ZBTB11: variants seen among roughly 807,000 people sequenced by gnomAD.
The protein encoded by ZBTB11 is zinc finger and BTB domain containing 11.
ZBTB11 carries 68 observed loss-of-function variants against 113.1 expected under a neutral mutation model. That is an observed-to-expected ratio of 0.60 (90% confidence interval 0.49 to 0.74). The LOEUF (loss-of-function observed/expected upper bound fraction) is 0.74. ZBTB11 is among the 30% of genes least tolerant of loss of function. ZBTB11 has a pLI of 0.00. For missense variants in ZBTB11, 1,104 were observed against 1,279.4 expected, an observed-to-expected ratio of 0.86 and a Z score of 2.09; for synonymous variants, 518 against 452.6, an observed-to-expected ratio of 1.14 and a Z score of -1.83.
At chr3:101,671,502 A>G (rs1937084792) in intron 2 of ZBTB11, 141 bp from the exon 3 acceptor site, 1 of 654,328 alleles carries the variant, frequency 1.5e-6, no homozygotes. Flanking sequence ...TATGTATTTA[A>G]ATAAAAAGAT....
At chr3:101,669,035 A>ATC (rs1937041669) in intron 3 of ZBTB11, among the ~76,000 whole-genome samples, 1 of 151,546 alleles carries the variant, frequency 6.6e-6, no homozygotes, top group African/African-American at 2.4e-5. Context: ...TTATGATAAA[A>ATC]TTTTTTTTTG....
At chr3:101,662,090 G>A (rs369911165) in intron 5 of ZBTB11, 4 of 152,084 alleles carry the variant, frequency 2.6e-5, no homozygotes, top group South Asian at 2.1e-4. Context: ...TAGTGAGAAG[G>A]GGGTAAAGAG....
In ZBTB11 at chr3:101,651,233, A is replaced by G; in HGVS notation, c.3095T>C (p.Leu1032Pro). The G allele has an allele frequency of 6.2e-7, 1 of 1,612,684 alleles. No homozygotes were observed. Reference protein sequence around the residue: ...YVLAQQQGQKLSEVAEAIQTV... With the variant: ...YVLAQQQGQKPSEVAEAIQTV... ...TTGAATAGCTTCTGCAACTTCAGAT[A>G]GCTTCTGTCCTTGCTGTTGTGCTAA... Residue 1032 changes from leucine (L) to proline (P), a missense_variant, in exon 11 of 11, where the codon CTA (leucine) becomes CCA (proline). Coordinates refer to ENST00000312938, the MANE Select transcript of ZBTB11 (RefSeq NM_014415.4).
At position 101,656,137 on chromosome 3, in the gene ZBTB11, G is replaced by C; in HGVS notation, c.2158C>G (p.Arg720Gly). ...ELCVKSFVTK[R>G]SLQEHMSIHT... ...ATACTCATATGTTCTTGAAGACTCC[G>C]TTTGGTAACAAATGACTTAACACAC... The change falls in exon 7 of 11, where the codon CGG (arginine) becomes GGG (glycine). Residue 720 changes from arginine to glycine, a missense_variant. Physicochemically the swap from Arg to Gly is moderately radical, Grantham distance 125. Around this residue, in one of 5 missense-constraint regions of ZBTB11, gnomAD observed 535 missense variants for 518.6 expected, o/e 1.03. Transcript: ENST00000312938. The C allele has an allele frequency of 6.3e-7, 1 of 1,591,430 alleles. No homozygotes were observed. The highest frequency in any genetic ancestry group is 8.5e-7 in the Non-Finnish European group (1 of 1,170,450).
In ZBTB11 at chr3:101,676,671, G is replaced by A; in HGVS notation, c.244C>T (p.Pro82Ser). 1.9e-6 allele frequency: 3 copies of A among 1,592,440 alleles called. No individual in the cohort carries two copies. The highest frequency in any genetic ancestry group is 2.6e-6 in the Non-Finnish European group (3 of 1,167,966). Residue 82 changes from proline to serine, a missense_variant, in exon 1 of 11, where the codon CCC becomes TCC. Physicochemically the swap from Pro to Ser is moderately conservative, Grantham distance 74 (BLOSUM62 -1). Around this residue, in one of 5 missense-constraint regions of ZBTB11, gnomAD observed 245 missense variants for 272.5 expected, o/e 0.90. Coordinates refer to ENST00000312938, the MANE Select transcript of ZBTB11 (RefSeq NM_014415.4). ...RDLIEAAHLGPGGTHHTRHQT... is the reference protein window; with the variant it reads ...RDLIEAAHLGSGGTHHTRHQT... ...TGCCGGGTGTGGTGAGTGCCGCCGG[G>A]ACCCAGGTGCGCCGCCTCGATGAGG...
chr3:101,676,131 C>T (rs368056712), intron 1 of ZBTB11, among the ~76,000 whole-genome samples: 1 of 152,280 alleles, frequency 6.6e-6, no homozygotes, highest in African/African-American at 2.4e-5. Context: ...GCAGCTCATA[C>T]TCGCTCGCCA....
Position 101,654,780 on chromosome 3 carries a change from GAA to G in ZBTB11, c.2231_2232del (p.Phe744SerfsTer2). On this transcript the variant is annotated frameshift_variant, in exon 8 of 11. Coordinates refer to ENST00000312938, the MANE Select transcript of ZBTB11 (RefSeq NM_014415.4). LOFTEE classifies it high-confidence loss of function. ...KYLCSVCGKS[F>X]HRGSGLSKHF... Reference sequence around the variant, plus strand: ...TGCTTGCTGAGTCCAGAGCCCCTATGAAAAGACTTTCCACAAACTGAGCAAAG... The same window carrying G: ...TGCTTGCTGAGTCCAGAGCCCCTATGAAGACTTTCCACAAACTGAGCAAAG... 6.2e-7 allele frequency: 1 copy of G among 1,614,144 alleles called. No individual in the cohort carries two copies. Among genetic ancestry groups the G allele is most frequent in the Non-Finnish European group, 8.5e-7 (1 of 1,180,004 alleles).
rs372842668 is a variant in ZBTB11 at position 101,672,239 on chromosome 3, A to G, written c.311-26T>C. On this transcript the variant is annotated intron_variant, in intron 1 of 10. Coordinates refer to ENST00000312938, the MANE Select transcript of ZBTB11 (RefSeq NM_014415.4). The stretch of plus-strand genomic sequence containing the variant: ...CTACAATGAAAATATTAACAAGTCA[A>G]ATTTAATACTGTTAACTGAAAACAG... 4.7e-5 allele frequency: 70 copies of G among 1,487,460 alleles called. No homozygotes were observed. The African/African-American group carries it at 8.8e-4, about 19-fold the overall frequency. The allele number at this position is 1,487,460 out of a possible 1,614,324, so 92.1% of individuals were successfully genotyped here.
intron 3 of ZBTB11, among the ~76,000 whole-genome samples, chr3:101,669,013 T>C (rs1937041247): frequency 6.6e-6 from 1 of 150,976 alleles, no homozygotes; most frequent in Non-Finnish European, 1.5e-5. Flanking sequence ...TAAGATACCG[T>C]AAATGACACA....
intron 3 of ZBTB11, among the ~76,000 whole-genome samples, chr3:101,667,272 T>C (rs538451933): frequency 2.8e-4 from 42 of 152,276 alleles, no homozygotes; most frequent in African/African-American, 9.6e-4. Context: ...CCTCCTGGCC[T>C]GAAGGGATAC....
intron 8 of ZBTB11, 101 bp from the exon 9 acceptor site, chr3:101,653,039 T>C: frequency 4.0e-6 from 5 of 1,246,194 alleles, no homozygotes. Context: ...CTCCAAAAGA[T>C]GATCTCAACT....
chr3:101,660,064 C>T (rs1168392792), intron 5 of ZBTB11, 36 bp from the exon 6 acceptor site: 1 of 1,587,790 alleles, frequency 6.3e-7, no homozygotes, highest in Admixed American at 1.7e-5. Flanking sequence ...AAATGTATTT[C>T]CATTACAAAA....
chr3:101,666,431 A>C (rs550895240), intron 3 of ZBTB11, among the ~76,000 whole-genome samples: 1 of 152,312 alleles, frequency 6.6e-6, no homozygotes, highest in East Asian at 1.9e-4. Flanking sequence ...GCTGTGTTCC[A>C]ATACAACCTT....
At chr3:101,655,920 A>G (rs991203555) in intron 7 of ZBTB11, 184 bp downstream of exon 7, 19 of 320,928 alleles carry the variant, frequency 5.9e-5, no homozygotes, top group Non-Finnish European at 8.7e-5. Flanking sequence ...TCGGCCTCCC[A>G]AAGTGCTGGG....
At chr3:101,672,622 C>T (rs973159393) in intron 1 of ZBTB11, among the ~76,000 whole-genome samples, 2 of 152,198 alleles carry the variant, frequency 1.3e-5, no homozygotes, top group African/African-American at 2.4e-5. Context: ...AGGCTGAGGC[C>T]GGAGACTCAC....
At position 101,652,656 on chromosome 3, in the gene ZBTB11, G is replaced by C; in HGVS notation, c.2484C>G (p.Gly828=). The change falls in exon 10 of 11, where the codon GGC becomes GGG. Residue 828 remains glycine, a synonymous_variant. Transcript: ENST00000312938. The stretch of plus-strand genomic sequence containing the variant: ...ACAAAGCTTTTTCATAAAATTCTTT[G>C]CCACATATATTACACCTAAAATAGG... The part of the protein sequence containing the change: ...VTEPYRCNIC[G]KEFYEKALFR... 6.2e-7 allele frequency: 1 copy of C among 1,613,568 alleles called. No homozygotes were observed.
chr3:101,663,650 G>A (rs186495842), intron 5 of ZBTB11, among the ~76,000 whole-genome samples: 1 of 152,138 alleles, frequency 6.6e-6, no homozygotes, highest in Non-Finnish European at 1.5e-5. Flanking sequence ...CATACCTTGG[G>A]GAGGCAGAGA....
rs1937096245 is a variant in ZBTB11 at position 101,672,195 on chromosome 3, T to C, written c.329A>G (p.Lys110Arg). 6.2e-7 allele frequency: 1 copy of C among 1,604,852 alleles called. No homozygotes were observed. Among genetic ancestry groups the C allele is most frequent in the Non-Finnish European group, 8.5e-7 (1 of 1,176,056 alleles). The change falls in exon 2 of 11, where the codon AAA (lysine) becomes AGA (arginine). Residue 110 changes from lysine to arginine, a missense_variant. Physicochemically the swap from Lys to Arg is conservative, Grantham distance 26. Coordinates refer to ENST00000312938, the MANE Select transcript of ZBTB11 (RefSeq NM_014415.4). The stretch of plus-strand genomic sequence containing the variant: ...TTTGCTACACTGTTTAATGTAATCT[T>C]TGACTTGCTTCAATATACCTACAAT... ...YWWRGILKQVKDYIKQCSKCQ... is the reference protein window; with the variant it reads ...YWWRGILKQVRDYIKQCSKCQ...
chr3:101,661,522 T>G (rs958721923), intron 5 of ZBTB11, among the ~76,000 whole-genome samples: 5 of 152,262 alleles, frequency 3.3e-5, no homozygotes, highest in Admixed American at 6.5e-5. Flanking sequence ...TGATTGGCTG[T>G]AAGAATTCAA....
Sources: gnomAD v4.1 joint callset for allele counts (sites outside exome capture counted in the v4.1 genomes callset) on GRCh38, gnomAD v4.1.1 for gene constraint, gnomAD v4.1.1 regional missense constraint, MANE v1.5 for transcripts, NCBI Gene and HGNC (gene_info 2026-07-23, HGNC 2026-07-21) for gene names.